The following SOSTDC1 variants were observed in gnomAD, a reference collection of about 807,000 sequenced individuals.
SOSTDC1 encodes sclerostin domain containing 1.
SOSTDC1 carries 7 observed loss-of-function variants against 15.1 expected under a neutral mutation model. The observed-to-expected ratio is 0.46, with a 90% CI of 0.26 to 0.87. SOSTDC1 has a LOEUF of 0.87. SOSTDC1 is among the 40% of genes least tolerant of loss of function. The pLI is 0.15. For synonymous variants in SOSTDC1, 94 were observed against 93.2 expected (o/e 1.01, Z -0.05); for missense variants, 242 against 259.2 (o/e 0.93, Z 0.46).
intron 1 of SOSTDC1, among the ~76,000 whole-genome samples, chr7:16,463,864 G>C (rs191784357): frequency 6.6e-6 from 1 of 152,212 alleles, no homozygotes; most frequent in Admixed American, 6.5e-5. Flanking sequence ...GCTGTTTCTT[G>C]TTACATGCCT....
Position 16,462,961 on chromosome 7 carries a change from G to C in SOSTDC1, c.208C>G (p.Arg70Gly). 2.6e-6 allele frequency: 4 copies of C among 1,541,232 alleles called. No individual in the cohort carries two copies. Among genetic ancestry groups the C allele is most frequent in the Non-Finnish European group, 3.5e-6 (4 of 1,140,814 alleles). The change falls in exon 2 of 2, where the codon CGG becomes GGG. Residue 70 changes from arginine (R) to glycine (G), a missense_variant and splice_region_variant. Transcript: ENST00000307068. ...AGTTCCCGGCAACCCACTTGAACCC[G>C]AGCTGCAGGAAACAAAAAAGAATGT... Reference protein sequence around the residue: ...FSNTGLDRNTRVQVGCRELRS... With the variant: ...FSNTGLDRNTGVQVGCRELRS...
intron 1 of SOSTDC1, chr7:16,464,352 G>C (rs1256518119): frequency 1.3e-6 from 2 of 1,550,476 alleles, no homozygotes; most frequent in African/African-American, 2.7e-5. Flanking sequence ...CCTGGAAATA[G>C]CCAGAAATAA....
At position 16,462,089 on chromosome 7, in the gene SOSTDC1, C is replaced by T. The variant is rs777634339; in HGVS notation, c.*459G>A. On this transcript the variant is annotated 3_prime_UTR_variant, in exon 2 of 2. Coordinates refer to ENST00000307068, the MANE Select transcript of SOSTDC1 (RefSeq NM_015464.3). ...TCACTCATGGCTGCTAAACTGTTCC[C>T]ATGAAGAGTACCAAAAAAGCACCTT... The T allele has an allele frequency of 3.8e-4, 62 of 161,728 alleles. No homozygotes were observed. Among genetic ancestry groups the T allele is most frequent in the Admixed American group, 2.3e-4 (4 of 17,106 alleles). The allele number at this position is 161,728 out of a possible 1,614,324, so 10.0% of individuals were successfully genotyped here. A position where few individuals can be genotyped will look rare whatever the true frequency, so the allele number is the denominator to read the frequency against.
In SOSTDC1 at chr7:16,465,346, A is replaced by G. The variant is rs1056612726; in HGVS notation, c.205+118T>C. ...CTGCACATGCAGCAGATTACTCCCA[A>G]ATTGTTTCACAACATATATACGGTT... On this transcript the variant is annotated intron_variant, in intron 1 of 1. Transcript: ENST00000307068. 7 of 876,216 alleles carry G rather than the reference A, an allele frequency of 8.0e-6. No individual in the cohort carries two copies. In the African/African-American group the frequency reaches 8.4e-5, roughly 11 times the overall value. The allele number at this position is 876,216 out of a possible 1,614,324, so 54.3% of individuals were successfully genotyped here.
chr7:16,465,017 T>A (rs1281496811), intron 1 of SOSTDC1, among the ~76,000 whole-genome samples: 1 of 152,216 alleles, frequency 6.6e-6, no homozygotes, highest in Non-Finnish European at 1.5e-5. Context: ...GCTTCCTTTT[T>A]TCCCTTGTGA....
At chr7:16,464,168 T>G in intron 1 of SOSTDC1, 2 of 650,606 alleles carry the variant, frequency 3.1e-6, no homozygotes, top group East Asian at 2.7e-5. Flanking sequence ...GTAAGAGATA[T>G]AGCTTAAGGG....
intron 1 of SOSTDC1, chr7:16,464,418 GT>G (rs1403448632): frequency 6.8e-7 from 1 of 1,474,410 alleles, no homozygotes; most frequent in Admixed American, 2.0e-5. Context: ...CATTTTTGCA[GT>G]GACAGTTCAT....
At chr7:16,464,648 G>C (rs6971172) in intron 1 of SOSTDC1, among the ~76,000 whole-genome samples, 141,472 of 152,144 alleles carry the variant, frequency 0.93, 65,848 homozygotes, top group East Asian at 1. Context: ...TTCCTGCGCA[G>C]TGTTTCTCTC....
chr7:16,462,678 T>G lies in SOSTDC1; in HGVS notation c.491A>C (p.Lys164Thr). The change falls in exon 2 of 2, where the codon AAG becomes ACG. Residue 164 changes from lysine to threonine, a missense_variant. Physicochemically the swap from Lys to Thr is moderately conservative, Grantham distance 78. Transcript: ENST00000307068. ...TYKITVVTAC[K>T]CKRYTRQHNE... ...GTGCTGCCGGGTGTACCTCTTGCAC[T>G]TGCAGGCAGTGACTACTGTGATTTT... The G allele has an allele frequency of 6.2e-7, 1 of 1,614,210 alleles. No individual in the cohort carries two copies. The highest frequency in any genetic ancestry group is 1.1e-5 in the South Asian group (1 of 91,084).
rs766836167 is a variant in SOSTDC1, at chr7:16,462,970, GAAAC to G, written c.206-11_206-8del. 9.9e-6 allele frequency: 15 copies of G among 1,521,722 alleles called. No individual in the cohort carries two copies. In the South Asian group the frequency reaches 2.0e-4, roughly 20 times the overall value. The allele number at this position is 1,521,722 out of a possible 1,614,324, so 94.3% of individuals were successfully genotyped here. Reference sequence around the variant, plus strand: ...CAACCCACTTGAACCCGAGCTGCAGGAAACAAAAAAGAATGTGCATCAGAGAAAA... The same window carrying G: ...CAACCCACTTGAACCCGAGCTGCAGGAAAAAAGAATGTGCATCAGAGAAAA... On this transcript the variant is annotated splice_polypyrimidine_tract_variant and splice_region_variant and intron_variant, in intron 1 of 1. Coordinates refer to ENST00000307068, the MANE Select transcript of SOSTDC1 (RefSeq NM_015464.3).
chr7:16,463,473 T>A (rs1781246177), intron 1 of SOSTDC1, among the ~76,000 whole-genome samples: 2 of 152,236 alleles, frequency 1.3e-5, no homozygotes, highest in South Asian at 4.1e-4. Flanking sequence ...CTCTCGGTAA[T>A]ATTTTATTTC....
rs775234272 is a variant in SOSTDC1 at position 16,463,015 on chromosome 7, C to A, written c.206-52G>T. The stretch of plus-strand genomic sequence containing the variant: ...TCAGAGAAAAAATGCAAATGAAGAC[C>A]TTTTAAAAAGTGATCTGCAATGACA... On this transcript the variant is annotated intron_variant, in intron 1 of 1. Transcript: ENST00000307068. The A allele has an allele frequency of 1.0e-5, 15 of 1,493,966 alleles. No homozygotes were observed. In the African/African-American group the frequency reaches 1.1e-4, roughly 11 times the overall value. The allele number at this position is 1,493,966 out of a possible 1,614,324, so 92.5% of individuals were successfully genotyped here. A position where few individuals can be genotyped will look rare whatever the true frequency, so the allele number is the denominator to read the frequency against.
intron 1 of SOSTDC1, among the ~76,000 whole-genome samples, chr7:16,464,630 TG>T (rs201261878): frequency 0.014 from 2,143 of 150,070 alleles, 20 homozygotes; most frequent in South Asian, 0.056. Context: ...AAAAGATTTG[TG>T]TAAGATTTCC....
At chr7:16,464,288 A>C in intron 1 of SOSTDC1, 1 of 1,493,380 alleles carries the variant, frequency 6.7e-7, no homozygotes, top group South Asian at 1.2e-5. Context: ...CAGTGTGCTC[A>C]GCGTGCCTGA....
chr7:16,464,487 T>C lies in SOSTDC1; in HGVS notation c.205+977A>G. ...TCTAATAATAATCAGATATGTCCTG[T>C]GTACTTAAAAGCAACCAGCTTCGTG... On this transcript the variant is annotated intron_variant, in intron 1 of 1. Transcript: ENST00000307068. 3.7e-6 allele frequency: 3 copies of C among 811,918 alleles called. No individual in the cohort carries two copies. In the South Asian group the frequency reaches 5.0e-5, roughly 13 times the overall value. 50.3% of individuals were successfully genotyped at this position (811,918 alleles called of 1,614,324 possible).
rs1175221908 is a variant in SOSTDC1, at chr7:16,462,445, T to C, written c.*103A>G. 12 of 1,243,310 alleles carry C rather than the reference T, an allele frequency of 9.7e-6. No homozygotes were observed. The African/African-American group carries it at 1.0e-4, about 11-fold the overall frequency. 77.0% of individuals were successfully genotyped at this position (1,243,310 alleles called of 1,614,324 possible). ...GGGTTTGATCAAAGCAGAAAGCATA[T>C]ACTTTCAAGTGAGAAAACAGCAGTG... On this transcript the variant is annotated 3_prime_UTR_variant, in exon 2 of 2. Transcript: ENST00000307068.
Position 16,462,660 on chromosome 7 carries a change from C to T in SOSTDC1, c.509G>A (p.Arg170Gln). 6.8e-6 allele frequency: 11 copies of T among 1,614,164 alleles called. No homozygotes were observed. The highest frequency in any genetic ancestry group is 1.1e-5 in the South Asian group (1 of 91,080). Residue 170 changes from arginine (R) to glutamine (Q), a missense_variant, in exon 2 of 2, where the codon CGG (arginine) becomes CAG (glutamine). Physicochemically the swap from Arg to Gln is conservative, Grantham distance 43 (BLOSUM62 1). Coordinates refer to ENST00000307068, the MANE Select transcript of SOSTDC1 (RefSeq NM_015464.3). ...GTTGTGACTGGACTCGTTGTGCTGC[C>T]GGGTGTACCTCTTGCACTTGCAGGC... The part of the protein sequence containing the change: ...VTACKCKRYT[R>Q]QHNESSHNFE...
intron 1 of SOSTDC1, among the ~76,000 whole-genome samples, chr7:16,464,659 T>TCTCTCG (rs1473390312): frequency 6.6e-6 from 1 of 152,016 alleles, no homozygotes; most frequent in African/African-American, 2.4e-5. Flanking sequence ...TGTTTCTCTC[T>TCTCTCG]CTCTCTCTCT....
Position 16,462,810 on chromosome 7 carries a change from G to A in SOSTDC1, c.359C>T (p.Thr120Ile), listed in dbSNP as rs759245928. The A allele has an allele frequency of 1.2e-6, 2 of 1,614,156 alleles. No homozygotes were observed. The highest frequency in any genetic ancestry group is 1.7e-6 in the Non-Finnish European group (2 of 1,180,032). Residue 120 changes from threonine to isoleucine, a missense_variant, in exon 2 of 2, where the codon ACA becomes ATA. Transcript: ENST00000307068. ...GGAGCTCCTCCTGCTCCAGTACTTT[G>A]TTCCATAGCCTCCTCCAATCCAGTT... Reference protein sequence around the residue: ...LPNWIGGGYGTKYWSRRSSQE... With the variant: ...LPNWIGGGYGIKYWSRRSSQE...
Sources: allele counts gnomAD v4.1 joint callset (sites outside exome capture counted in the v4.1 genomes callset), GRCh38; gene constraint gnomAD v4.1.1; transcripts MANE v1.5; gene names NCBI Gene and HGNC (gene_info 2026-07-23, HGNC 2026-07-21).